Variants in SLC25A27 observed in about 807,000 individuals in gnomAD.
The protein encoded by SLC25A27 is mitochondrial uncoupling protein 4.
Under a neutral mutation model 49.1 loss-of-function variants are expected in SLC25A27, and 35 were observed. The observed-to-expected ratio is 0.71, with a 90% CI of 0.54 to 0.95. The LOEUF (loss-of-function observed/expected upper bound fraction) is 0.95. Ranked by LOEUF, SLC25A27 falls within the 40% of genes least tolerant of loss-of-function variation. The pLI, the probability that SLC25A27 is intolerant of heterozygous loss-of-function variation, is 0.00. For missense variants in SLC25A27, 339 were observed against 397.1 expected (o/e 0.85, Z 1.24); for synonymous variants, 144 against 136.9 (o/e 1.05, Z -0.36).
chr6:46,663,748 C>T (rs1223906323), intron 4 of SLC25A27, among the ~76,000 whole-genome samples: 1 of 152,008 alleles, frequency 6.6e-6, no homozygotes, highest in Non-Finnish European at 1.5e-5. Context: ...TTATATACTA[C>T]AGTAAAAAGC....
Position 46,676,983 on chromosome 6 carries a change from T to C in SLC25A27, c.*529T>C, listed in dbSNP as rs1420650140. 3.1e-6 allele frequency: 1 copy of C among 324,098 alleles called. No homozygotes were observed. 20.1% of individuals were successfully genotyped at this position (324,098 alleles called of 1,614,324 possible). On this transcript the variant is annotated 3_prime_UTR_variant, in exon 9 of 9. Coordinates refer to ENST00000371347, the MANE Select transcript of SLC25A27 (RefSeq NM_004277.5). ...TTAAAGGGAGGTGAATGGAAATTAA[T>C]GAATAAACATTTTGAGTTTCCCTAG... is the stretch of plus-strand genomic sequence containing the variant.
At position 46,653,165 on chromosome 6, in the gene SLC25A27, G is replaced by C. The variant is rs527595994; in HGVS notation, c.-28G>C. 27 of 1,594,516 alleles carry C rather than the reference G, an allele frequency of 1.7e-5. No homozygotes were observed. In the South Asian group the frequency reaches 2.6e-4, roughly 15 times the overall value. On this transcript the variant is annotated 5_prime_UTR_variant, in exon 1 of 9. Coordinates refer to ENST00000371347, the MANE Select transcript of SLC25A27 (RefSeq NM_004277.5). ...CGGTGCAGCGCAGCGGCGAGAAGGA[G>C]TGCGTTATCGTCTTGCGCTACTGCT...
At chr6:46,671,105 A>G in intron 7 of SLC25A27, 21 bp from the exon 8 acceptor site, 2 of 1,465,414 alleles carry the variant, frequency 1.4e-6, no homozygotes, top group Non-Finnish European at 1.9e-6. Context: ...AAAAATTAAA[A>G]GGATCTTGTT....
At chr6:46,664,930 A>G (rs769002894) in intron 5 of SLC25A27, 44 bp downstream of exon 5, 2 of 964,308 alleles carry the variant, frequency 2.1e-6, no homozygotes, top group Admixed American at 2.4e-5. Flanking sequence ...TAATTGCCTT[A>G]ATAGCTGTAA....
At chr6:46,662,278 A>G in intron 3 of SLC25A27, 98 bp from the exon 4 acceptor site, 2 of 1,043,554 alleles carry the variant, frequency 1.9e-6, no homozygotes, top group East Asian at 4.9e-5. Flanking sequence ...ACTTGATCTG[A>G]AATCTCTTAC....
rs773585919 is a variant in SLC25A27, at chr6:46,655,535, G to GTTTTTTTTT, written c.107-278_107-270dup. Among the ~76,000 whole-genome samples, 18 of 10,716 alleles carry GTTTTTTTTT rather than the reference G, an allele frequency of 1.7e-3. 3 individuals carry two copies. The highest frequency in any genetic ancestry group is 2.6e-3 in the Non-Finnish European group (13 of 4,944). 7.0% of individuals were successfully genotyped at this position (10,716 alleles called of 152,430 possible). A position where few individuals can be genotyped will look rare whatever the true frequency, so the allele number is the denominator to read the frequency against. ...ATTTTAATTTTTATTGTTAATGTTT[G>GTTTTTTTTT]TTTTTTTTTTTTTTTTTTTTTTTTT... On this transcript the variant is annotated intron_variant, in intron 1 of 8. Coordinates refer to ENST00000371347, the MANE Select transcript of SLC25A27 (RefSeq NM_004277.5).
chr6:46,668,575 C>T, intron 5 of SLC25A27, 134 bp from the exon 6 acceptor site: 1 of 593,172 alleles, frequency 1.7e-6, no homozygotes, highest in Non-Finnish European at 3.1e-6. Context: ...TGTAGCTGTG[C>T]TTTCCTTGAG....
At position 46,653,529 on chromosome 6, in the gene SLC25A27, G is replaced by A. The variant is rs576593143; in HGVS notation, c.106+231G>A. Reference sequence around the variant, plus strand: ...CTAATGCTTCCCTTAGGCATGTGCTGTGGTGCTTGAATGTTGTACTTTAAG... The same window carrying A: ...CTAATGCTTCCCTTAGGCATGTGCTATGGTGCTTGAATGTTGTACTTTAAG... On this transcript the variant is annotated intron_variant, in intron 1 of 8. Coordinates refer to ENST00000371347, the MANE Select transcript of SLC25A27 (RefSeq NM_004277.5). The A allele has an allele frequency of 4.1e-6, 4 of 985,468 alleles. No homozygotes were observed. In the African/African-American group the frequency reaches 7.0e-5, roughly 17 times the overall value. 61.0% of individuals were successfully genotyped at this position (985,468 alleles called of 1,614,324 possible).
intron 1 of SLC25A27, 100 bp downstream of exon 1, chr6:46,653,398 A>G: frequency 6.9e-7 from 1 of 1,453,802 alleles, no homozygotes; most frequent in Non-Finnish European, 9.0e-7. Flanking sequence ...CGCATCGGAG[A>G]GGTCGCCCCT....
At chr6:46,674,361 G>A (rs1763680757) in intron 8 of SLC25A27, among the ~76,000 whole-genome samples, 1 of 152,142 alleles carries the variant, frequency 6.6e-6, no homozygotes, top group Admixed American at 6.5e-5. Flanking sequence ...ATGTGGCAGA[G>A]CTGGGAACTG....
At chr6:46,653,786 A>G (rs545814912) in intron 1 of SLC25A27, 2 of 985,150 alleles carry the variant, frequency 2.0e-6, no homozygotes, top group East Asian at 2.3e-4. Context: ...CTTTGAGTGT[A>G]ATTCATCTAT....
intron 1 of SLC25A27, among the ~76,000 whole-genome samples, chr6:46,654,916 T>C (rs551366487): frequency 2.0e-5 from 3 of 152,220 alleles, no homozygotes; most frequent in Admixed American, 6.5e-5. Flanking sequence ...AAAAGTCTTA[T>C]ATAATGTAAG....
intron 3 of SLC25A27, 88 bp from the exon 4 acceptor site, chr6:46,662,288 C>A: frequency 8.6e-7 from 1 of 1,159,638 alleles, no homozygotes; most frequent in Non-Finnish European, 1.3e-6. Context: ...AAATCTCTTA[C>A]CTAGGCCCTG....
chr6:46,666,445 T>A lies in SLC25A27; in HGVS notation c.619+1559T>A, dbSNP rs559101027. On this transcript the variant is annotated intron_variant, in intron 5 of 8. Coordinates refer to ENST00000371347, the MANE Select transcript of SLC25A27 (RefSeq NM_004277.5). ...ACTAATTATATGGTTCTAAGAAATATATAAATAGCATGTTTGAGGGTTCTA... is the reference window on the plus strand; with the variant it reads ...ACTAATTATATGGTTCTAAGAAATAAATAAATAGCATGTTTGAGGGTTCTA... Among the ~76,000 whole-genome samples, 31 of 152,358 alleles carry A rather than the reference T, an allele frequency of 2.0e-4. No homozygotes were observed. In the South Asian group the frequency reaches 2.5e-3, roughly 12 times the overall value.
rs1348936432 is a variant in SLC25A27 at position 46,677,052 on chromosome 6, AATC to A, written c.*600_*602del. On this transcript the variant is annotated 3_prime_UTR_variant, in exon 9 of 9. Coordinates refer to ENST00000371347, the MANE Select transcript of SLC25A27 (RefSeq NM_004277.5). ...TTTTTCTTGTCAGAAAGATAAAAAA[AATC>A]AAGTTGAGATGATGTTTGAATTTCA... 9.4e-6 allele frequency: 2 copies of A among 212,872 alleles called. No homozygotes were observed. The highest frequency in any genetic ancestry group is 9.4e-6 in the Non-Finnish European group (1 of 106,834). The allele number at this position is 212,872 out of a possible 1,614,324, so 13.2% of individuals were successfully genotyped here.
intron 3 of SLC25A27, 54 bp from the exon 4 acceptor site, chr6:46,662,322 A>G (rs1763187761): frequency 6.4e-7 from 1 of 1,563,500 alleles, no homozygotes; most frequent in African/African-American, 1.4e-5. Flanking sequence ...TTGGTTCACT[A>G]TAAAATTCGT....
rs1431957616 is a variant in SLC25A27 at position 46,676,772 on chromosome 6, T to C, written c.*318T>C. ...TGGCCTTTGAGTTGCTATTCTATGCTGAAGAGCCTGCTTAGAGGAGGAGTA... is the reference window on the plus strand; with the variant it reads ...TGGCCTTTGAGTTGCTATTCTATGCCGAAGAGCCTGCTTAGAGGAGGAGTA... On this transcript the variant is annotated 3_prime_UTR_variant, in exon 9 of 9. Transcript: ENST00000371347. The C allele has an allele frequency of 1.1e-5, 13 of 1,187,184 alleles. No individual in the cohort carries two copies. The highest frequency in any genetic ancestry group is 1.6e-5 in the Non-Finnish European group (13 of 816,910). The allele number at this position is 1,187,184 out of a possible 1,614,324, so 73.5% of individuals were successfully genotyped here.
chr6:46,669,298 G>A (rs1474386487), intron 6 of SLC25A27, among the ~76,000 whole-genome samples: 2 of 152,194 alleles, frequency 1.3e-5, no homozygotes, highest in African/African-American at 4.8e-5. Flanking sequence ...AAAGGAGGTA[G>A]AAATAGACAA....
At chr6:46,667,887 T>A (rs1429588682) in intron 5 of SLC25A27, among the ~76,000 whole-genome samples, 1 of 152,224 alleles carries the variant, frequency 6.6e-6, no homozygotes, top group African/African-American at 2.4e-5. Context: ...GTTCATTTTG[T>A]CCATGGCTGT....
Sources: gnomAD v4.1 joint callset for allele counts (sites outside exome capture counted in the v4.1 genomes callset) on GRCh38, gnomAD v4.1.1 for gene constraint, MANE v1.5 for transcripts, NCBI Gene and HGNC (gene_info 2026-07-23, HGNC 2026-07-21) for gene names.